Variants in CCDC141 observed in about 807,000 individuals in gnomAD.
The protein encoded by CCDC141 is coiled-coil domain-containing protein 141.
CCDC141 carries 168 observed loss-of-function variants against 181.0 expected under a neutral mutation model. The observed-to-expected ratio is 0.93, with a 90% CI of 0.82 to 1.05. CCDC141 has a LOEUF of 1.05. CCDC141 is among the 50% of genes least tolerant of loss of function. The probability of loss-of-function intolerance (pLI) is 0.00; values close to 1 mark genes in which losing one functional copy is unlikely to be tolerated. For synonymous variants in CCDC141, 666 were observed against 642.3 expected, an observed-to-expected ratio of 1.04 and a Z score of -0.56; for missense variants, 1,902 against 1,788.5, an observed-to-expected ratio of 1.06 and a Z score of -1.14.
At chr2:178,956,806 C>G (rs974334060) in intron 5 of CCDC141, among the ~76,000 whole-genome samples, 1 of 152,002 alleles carries the variant, frequency 6.6e-6, no homozygotes, top group Non-Finnish European at 1.5e-5. Flanking sequence ...AATAACTAAA[C>G]AGTATTAAGA....
chr2:178,864,415 G>A (rs1222615427), intron 17 of CCDC141, among the ~76,000 whole-genome samples: 5 of 152,166 alleles, frequency 3.3e-5, no homozygotes, highest in African/African-American at 9.6e-5. Context: ...CATAGGAACC[G>A]GAAGTGGCCA....
Position 178,871,523 on chromosome 2 carries a change from T to C in CCDC141, c.2109A>G (p.Glu703=). The stretch of plus-strand genomic sequence containing the variant: ...CAAGTGCAGACACAGGCATAAGTGC[T>C]TCCTGAAGAAGTTTTAAGTTGTGAG... ...KTSHNLKLLQ[E]ALMPVSALDL... is the part of the protein sequence containing the mutation. Residue 703 remains glutamate (E), a synonymous_variant, in exon 14 of 24, where the codon GAA becomes GAG. Coordinates refer to ENST00000443758, the MANE Select transcript of CCDC141 (RefSeq NM_173648.4). 1 of 1,613,866 alleles carries C rather than the reference T, an allele frequency of 6.2e-7. No homozygotes were observed. The highest frequency in any genetic ancestry group is 8.5e-7 in the Non-Finnish European group (1 of 1,179,872).
chr2:179,001,649 G>C (rs999166463), intron 2 of CCDC141: 40 of 152,232 alleles, frequency 2.6e-4, no homozygotes, highest in African/African-American at 9.4e-4. Flanking sequence ...GGCAGGAATG[G>C]CAGGATTAAC....
In CCDC141 at chr2:178,978,647, A is replaced by G. The variant is rs1278269942; in HGVS notation, c.254T>C (p.Leu85Ser). The G allele has an allele frequency of 1.3e-6, 2 of 1,545,794 alleles. No homozygotes were observed. The highest frequency in any genetic ancestry group is 2.0e-5 in the Admixed American group (1 of 50,216). ...TTCAGCTGTCTTGTCTGCTTCCTGCAAGAGTTCCCATACCCGATCTTCCAA... is the reference window on the plus strand; with the variant it reads ...TTCAGCTGTCTTGTCTGCTTCCTGCGAGAGTTCCCATACCCGATCTTCCAA... ...KALEDRVWEL[L>S]QEADKTAEEN... is the part of the protein sequence containing the mutation. The change falls in exon 3 of 24, where the codon TTG (leucine) becomes TCG (serine). Residue 85 changes from leucine to serine, a missense_variant. Transcript: ENST00000443758.
At chr2:178,826,283 G>A (rs192603624), downstream of CCDC141, among the ~76,000 whole-genome samples, 6 of 152,230 alleles carry the variant, frequency 3.9e-5, no homozygotes, top group East Asian at 1.9e-4. Flanking sequence ...CAAATCCCAC[G>A]TCTTGTGTGG....
At chr2:179,032,469 T>C (rs1017051492) in intron 2 of CCDC141, among the ~76,000 whole-genome samples, 12 of 152,180 alleles carry the variant, frequency 7.9e-5, no homozygotes, top group African/African-American at 2.9e-4. Context: ...TCCTTTTTCC[T>C]CTGCTCACAA....
At chr2:178,867,964 C>G (rs1685925653) in intron 16 of CCDC141, 62 bp downstream of exon 16, 1 of 1,361,234 alleles carries the variant, frequency 7.3e-7, no homozygotes, top group African/African-American at 1.4e-5. Context: ...TGGTTTCTTT[C>G]ATATGCTAGC....
the CCDC141 span, among the ~76,000 whole-genome samples, chr2:178,824,087 C>CACACACACAA: frequency 6.6e-6 from 1 of 151,974 alleles, no homozygotes; most frequent in Non-Finnish European, 1.5e-5. Flanking sequence ...CACACACACA[C>CACACACACAA]ACGTATAGCA....
At chr2:179,013,962 A>AAAAC (rs2042349619) in intron 2 of CCDC141, among the ~76,000 whole-genome samples, 1 of 107,240 alleles carries the variant, frequency 9.3e-6, no homozygotes, top group African/African-American at 4.4e-5. Flanking sequence ...CTCCATCTCA[A>AAAAC]AAAAAAAAAA....
intron 2 of CCDC141, among the ~76,000 whole-genome samples, chr2:178,994,420 G>A (rs2154382715): frequency 6.6e-6 from 1 of 152,326 alleles, no homozygotes; most frequent in South Asian, 2.1e-4. Flanking sequence ...GTCCCTTTCA[G>A]CCATGGCTGG....
chr2:178,920,010 G>A (rs968170022), intron 6 of CCDC141, among the ~76,000 whole-genome samples: 1 of 152,204 alleles, frequency 6.6e-6, no homozygotes, highest in African/African-American at 2.4e-5. Context: ...ATGAGTTGGA[G>A]TAAACCAAAC....
chr2:179,036,427 T>A (rs1045853677), intron 2 of CCDC141, among the ~76,000 whole-genome samples: 1 of 152,204 alleles, frequency 6.6e-6, no homozygotes, highest in Non-Finnish European at 1.5e-5. Flanking sequence ...TTGTGAAAAC[T>A]ATGTTTTACA....
intron 2 of CCDC141, among the ~76,000 whole-genome samples, chr2:178,985,214 C>G (rs923687334): frequency 1.3e-5 from 2 of 151,510 alleles, no homozygotes; most frequent in Non-Finnish European, 3.0e-5. Context: ...TCCTGAATGA[C>G]TACTGGGTAC....
intron 21 of CCDC141, 33 bp downstream of exon 21, chr2:178,850,016 T>C (rs767265624): frequency 2.5e-6 from 3 of 1,183,280 alleles, no homozygotes; most frequent in Non-Finnish European, 3.7e-6. Context: ...TTTATTTTGC[T>C]TGAAAATACA....
intron 2 of CCDC141, among the ~76,000 whole-genome samples, chr2:179,041,502 T>TG (rs2043304299): frequency 7.0e-6 from 1 of 142,906 alleles, no homozygotes; most frequent in South Asian, 2.3e-4. Flanking sequence ...TTTTTTTTTT[T>TG]TTTTTTTTTT....
chr2:179,036,593 G>A (rs2043152851), intron 2 of CCDC141, among the ~76,000 whole-genome samples: 1 of 152,192 alleles, frequency 6.6e-6, no homozygotes, highest in Non-Finnish European at 1.5e-5. Context: ...AAGTCACCAG[G>A]AAGTTGTGCT....
At chr2:178,910,121 G>A (rs1275008583) in intron 7 of CCDC141, among the ~76,000 whole-genome samples, 3 of 152,062 alleles carry the variant, frequency 2.0e-5, no homozygotes, top group African/African-American at 7.2e-5. Flanking sequence ...CACTTGTTTA[G>A]TACAGGACCC....
At chr2:178,945,007 T>TCTAAC (rs1689671461) in intron 5 of CCDC141, among the ~76,000 whole-genome samples, 1 of 152,172 alleles carries the variant, frequency 6.6e-6, no homozygotes. Flanking sequence ...TGAATATGAA[T>TCTAAC]CTAAGTATAG....
At chr2:178,821,178 G>T in the CCDC141 span, among the ~76,000 whole-genome samples, 6 of 152,030 alleles carry the variant, frequency 3.9e-5, no homozygotes, top group African/African-American at 1.2e-4. Flanking sequence ...GACTTTTGGG[G>T]GTGAATAAGA....
Sources: allele counts gnomAD v4.1 joint callset (sites outside exome capture counted in the v4.1 genomes callset), GRCh38; gene constraint gnomAD v4.1.1; transcripts MANE v1.5; gene names NCBI Gene and HGNC (gene_info 2026-07-23, HGNC 2026-07-21).